Variants in BRINP3 observed in about 807,000 individuals in gnomAD.
BRINP3 encodes BMP/retinoic acid-inducible neural-specific protein 3.
A neutral mutation model predicts 71.0 loss-of-function variants in BRINP3; 19 were observed. The observed-to-expected ratio is 0.27, with a 90% CI of 0.19 to 0.39. BRINP3 has a LOEUF of 0.39. Ranked by LOEUF, BRINP3 falls within the 10% of genes least tolerant of loss-of-function variation. The pLI, the probability that BRINP3 is intolerant of heterozygous loss-of-function variation, is 1.00. For missense variants in BRINP3, 959 were observed against 940.8 expected, an observed-to-expected ratio of 1.02 and a Z score of -0.25; for synonymous variants, 380 against 337.7, an observed-to-expected ratio of 1.13 and a Z score of -1.37.
rs183500963 is a variant in BRINP3, at chr1:190,234,166, G to A, written c.724+206C>T. 3.8e-3 allele frequency among the ~76,000 whole-genome samples: 581 copies of A among 152,172 alleles called. 3 individuals carry two copies. The highest frequency in any genetic ancestry group is 6.8e-3 in the Middle Eastern group (2 of 292). ...AATTGCTATAGCTTAGTTAATTTGAGAAGAAAAGAAAATTTTTGATATTTT... is the reference window on the plus strand; with the variant it reads ...AATTGCTATAGCTTAGTTAATTTGAAAAGAAAAGAAAATTTTTGATATTTT... On this transcript the variant is annotated intron_variant, in intron 5 of 7. Transcript: ENST00000367462.
chr1:190,367,691 C>T (rs930495144), intron 2 of BRINP3, among the ~76,000 whole-genome samples: 1 of 152,166 alleles, frequency 6.6e-6, no homozygotes, highest in African/African-American at 2.4e-5. Flanking sequence ...TACCCTAAAT[C>T]ATTTCTCTCT....
At chr1:190,384,021 A>G (rs866286793) in intron 2 of BRINP3, among the ~76,000 whole-genome samples, 16 of 152,034 alleles carry the variant, frequency 1.1e-4, no homozygotes, top group Middle Eastern at 3.4e-3. Context: ...AAGTAACATC[A>G]TAAAACACAC....
intron 3 of BRINP3, among the ~76,000 whole-genome samples, chr1:190,268,381 G>A (rs1285061539): frequency 6.6e-6 from 1 of 152,140 alleles, no homozygotes; most frequent in African/African-American, 2.4e-5. Flanking sequence ...TTGCTGCCAT[G>A]AGCCACTCCA....
At chr1:190,442,422 C>G (rs1189772521) in intron 2 of BRINP3, among the ~76,000 whole-genome samples, 2 of 152,094 alleles carry the variant, frequency 1.3e-5, no homozygotes, top group East Asian at 1.9e-4. Context: ...CTACTAATAT[C>G]TGTTTAAATG....
chr1:190,229,793 G>T (rs1657782590), intron 5 of BRINP3, among the ~76,000 whole-genome samples: 1 of 151,624 alleles, frequency 6.6e-6, no homozygotes, highest in African/African-American at 2.4e-5. Context: ...GAAGGAAAAT[G>T]CACCATCAAT....
intron 2 of BRINP3, among the ~76,000 whole-genome samples, chr1:190,304,627 G>A (rs993122601): frequency 6.6e-6 from 1 of 151,700 alleles, no homozygotes; most frequent in South Asian, 2.1e-4. Flanking sequence ...AACACAAAAT[G>A]GATCAAAGAT....
intron 6 of BRINP3, among the ~76,000 whole-genome samples, chr1:190,197,672 G>A (rs952369483): frequency 6.6e-6 from 1 of 152,174 alleles, no homozygotes; most frequent in African/African-American, 2.4e-5. Context: ...GCAAGAGGTG[G>A]GCTCCCATAG....
chr1:190,109,135 T>A (rs371686806), intron 7 of BRINP3, among the ~76,000 whole-genome samples: 14 of 152,220 alleles, frequency 9.2e-5, no homozygotes, highest in African/African-American at 3.4e-4. Context: ...TCTGTATTCA[T>A]GTATTGCTTT....
chr1:190,342,018 T>C (rs926621359), intron 2 of BRINP3, among the ~76,000 whole-genome samples: 1 of 151,758 alleles, frequency 6.6e-6, no homozygotes, highest in Admixed American at 6.6e-5. Context: ...TCTGTGTTTT[T>C]TTTTTTGCAG....
chr1:190,383,203 T>C (rs1267813261), intron 2 of BRINP3, among the ~76,000 whole-genome samples: 1 of 152,136 alleles, frequency 6.6e-6, no homozygotes, highest in Non-Finnish European at 1.5e-5. Flanking sequence ...AATTTTTTAT[T>C]GAGCCATTAG....
chr1:190,098,132 A>C lies in BRINP3; in HGVS notation c.2187T>G (p.Arg729=). 1 of 1,614,200 alleles carries C rather than the reference A, an allele frequency of 6.2e-7. No homozygotes were observed. Among genetic ancestry groups the C allele is most frequent in the South Asian group, 1.1e-5 (1 of 91,088 alleles). Residue 729 remains arginine, a synonymous_variant, in exon 8 of 8, where the codon CGT becomes CGG. Coordinates refer to ENST00000367462, the MANE Select transcript of BRINP3 (RefSeq NM_199051.3). The stretch of plus-strand genomic sequence containing the variant: ...CACTAGTAGACAGCTTGAGTCTATG[A>C]CGAAGCAAGCAAGAGAAAAGATCTA... ...RRLDLFSCLL[R]HRLKLSTSEV...
intron 2 of BRINP3, among the ~76,000 whole-genome samples, chr1:190,332,804 G>A (rs962548323): frequency 2.0e-5 from 3 of 151,916 alleles, no homozygotes; most frequent in African/African-American, 7.2e-5. Context: ...AAAAACATAA[G>A]AGAAAGACAA....
At chr1:190,153,554 A>G (rs1243865306) in intron 7 of BRINP3, among the ~76,000 whole-genome samples, 2 of 152,192 alleles carry the variant, frequency 1.3e-5, no homozygotes, top group African/African-American at 2.4e-5. Flanking sequence ...GAAAAATAAA[A>G]TAATAAAAGA....
intron 6 of BRINP3, among the ~76,000 whole-genome samples, chr1:190,210,492 G>A (rs1655890320): frequency 6.6e-6 from 1 of 151,938 alleles, no homozygotes; most frequent in Non-Finnish European, 1.5e-5. Context: ...CATTTATAAT[G>A]AAAACAATCC....
intron 6 of BRINP3, among the ~76,000 whole-genome samples, chr1:190,195,635 A>G (rs946640938): frequency 2.0e-5 from 3 of 152,064 alleles, no homozygotes; most frequent in African/African-American, 7.2e-5. Flanking sequence ...AGGTACATAC[A>G]TACCTATGCC....
chr1:190,297,138 C>A (rs776737407), intron 2 of BRINP3, among the ~76,000 whole-genome samples: 1 of 151,860 alleles, frequency 6.6e-6, no homozygotes, highest in Non-Finnish European at 1.5e-5. Flanking sequence ...AGACTTTATA[C>A]CTCCTGATTT....
intron 2 of BRINP3, among the ~76,000 whole-genome samples, chr1:190,305,697 T>C (rs1283964871): frequency 6.6e-6 from 1 of 151,724 alleles, no homozygotes; most frequent in Non-Finnish European, 1.5e-5. Context: ...TTAACAATGA[T>C]GTTAACATAG....
At position 190,454,594 on chromosome 1, in the gene BRINP3, C is replaced by T. The variant is rs142547988; in HGVS notation, c.236+61G>A. 4.2e-3 allele frequency: 5,802 copies of T among 1,396,738 alleles called. 21 individuals carry two copies. Among genetic ancestry groups the T allele is most frequent in the Non-Finnish European group, 4.1e-3 (4,125 of 1,009,284 alleles). 86.5% of individuals were successfully genotyped at this position (1,396,738 alleles called of 1,614,324 possible). A position where few individuals can be genotyped will look rare whatever the true frequency, so the allele number is the denominator to read the frequency against. ...CGTCTGAAACTTTCCCTTAGAGAAA[C>T]TTATGTATACACAACCTTCAAGGAT... On this transcript the variant is annotated intron_variant, in intron 2 of 7. Transcript: ENST00000367462.
chr1:190,445,311 T>G (rs1385890479), intron 2 of BRINP3, among the ~76,000 whole-genome samples: 2 of 152,148 alleles, frequency 1.3e-5, no homozygotes, highest in Non-Finnish European at 2.9e-5. Context: ...GTCTAATCTT[T>G]TACTTTCATT....
Sources: allele counts gnomAD v4.1 joint callset (sites outside exome capture counted in the v4.1 genomes callset), GRCh38; gene constraint gnomAD v4.1.1; transcripts MANE v1.5; gene names NCBI Gene and HGNC (gene_info 2026-07-23, HGNC 2026-07-21).